The following NDST3 variants were observed in gnomAD, a reference collection of about 807,000 sequenced individuals.
The protein encoded by NDST3 is N-deacetylase and N-sulfotransferase 3, also known as bifunctional heparan sulfate N-deacetylase/N-sulfotransferase 3.
NDST3 carries 58 observed loss-of-function variants against 96.1 expected under a neutral mutation model. The ratio of observed to expected loss-of-function variants is 0.60; its 90% CI spans 0.49 to 0.75. The LOEUF (loss-of-function observed/expected upper bound fraction) is 0.75. Among genes scored for constraint, NDST3 ranks in the 30% least tolerant of loss-of-function variants. The pLI is 0.00. For missense variants in NDST3, 788 were observed against 1,034.2 expected, an observed-to-expected ratio of 0.76 and a Z score of 3.27; for synonymous variants, 333 against 359.7, an observed-to-expected ratio of 0.93 and a Z score of 0.84.
At chr4:118,229,130 G>T (rs922410681) in intron 8 of NDST3, among the ~76,000 whole-genome samples, 8 of 151,662 alleles carry the variant, frequency 5.3e-5, no homozygotes, top group African/African-American at 1.9e-4. Flanking sequence ...GTGAAAACCC[G>T]TCACTACTAA....
At chr4:118,084,298 A>G (rs1728247506) in intron 2 of NDST3, among the ~76,000 whole-genome samples, 1 of 152,172 alleles carries the variant, frequency 6.6e-6, no homozygotes, top group Non-Finnish European at 1.5e-5. Context: ...TCATTTTACT[A>G]TCTATATGTA....
chr4:118,106,275 T>A (rs944265920), intron 3 of NDST3, among the ~76,000 whole-genome samples: 3 of 152,192 alleles, frequency 2.0e-5, no homozygotes, highest in Non-Finnish European at 4.4e-5. Context: ...GGCCGTTCAA[T>A]TTATCATTTT....
chr4:118,144,900 A>G (rs1733830956), intron 6 of NDST3, among the ~76,000 whole-genome samples: 1 of 152,110 alleles, frequency 6.6e-6, no homozygotes, highest in Non-Finnish European at 1.5e-5. Flanking sequence ...TATTGTGCTC[A>G]ATTCTGCTTG....
chr4:118,058,594 AGTGTGTGT>A (rs59628763), intron 2 of NDST3, among the ~76,000 whole-genome samples: 41 of 81,048 alleles, frequency 5.1e-4, no homozygotes, highest in Admixed American at 2.5e-3. Flanking sequence ...AGTCAGGAAA[AGTGTGTGT>A]GTGTGTGTGT....
intron 6 of NDST3, among the ~76,000 whole-genome samples, chr4:118,177,243 A>G: frequency 6.6e-6 from 1 of 152,034 alleles, no homozygotes; most frequent in East Asian, 1.9e-4. Flanking sequence ...CTCCTGGTAA[A>G]TAGGATAGGA....
At chr4:118,182,217 G>A (rs972251941) in intron 6 of NDST3, among the ~76,000 whole-genome samples, 5 of 152,180 alleles carry the variant, frequency 3.3e-5, no homozygotes, top group African/African-American at 1.2e-4. Context: ...TGACAGGCAG[G>A]AAGCCAAGCC....
At chr4:118,232,189 A>G (rs1740343584) in intron 8 of NDST3, among the ~76,000 whole-genome samples, 1 of 152,176 alleles carries the variant, frequency 6.6e-6, no homozygotes, top group South Asian at 2.1e-4. Flanking sequence ...TGAGAACCCA[A>G]GTATTGATTT....
chr4:118,244,441 T>C (rs2126008912), intron 12 of NDST3, among the ~76,000 whole-genome samples: 1 of 152,342 alleles, frequency 6.6e-6, no homozygotes, highest in African/African-American at 2.4e-5. Flanking sequence ...TTATTTTTTC[T>C]TCTTATTTTC....
In NDST3 at chr4:118,040,873, A is replaced by ATTTATATATT. The variant is rs1382241348; in HGVS notation, c.-156+6282_-156+6283insTTATATATTT. Reference sequence around the variant, plus strand: ...TATATATATTTATATATTTTTATATATATATATATTTATATATATATATAT... The same window carrying ATTTATATATT: ...TATATATATTTATATATTTTTATATATTTATATATTTATATATATTTATATATATATATAT... On this transcript the variant is annotated intron_variant, in intron 1 of 13. Transcript: ENST00000296499. 3.2e-3 allele frequency among the ~76,000 whole-genome samples: 172 copies of ATTTATATATT among 53,396 alleles called. 1 individual carries two copies. The highest frequency in any genetic ancestry group is 5.5e-3 in the African/African-American group (164 of 29,898). 35.0% of individuals were successfully genotyped at this position (53,396 alleles called of 152,430 possible). A position where few individuals can be genotyped will look rare whatever the true frequency, so the allele number is the denominator to read the frequency against.
chr4:118,230,071 T>C (rs1229065098), intron 8 of NDST3, among the ~76,000 whole-genome samples: 2 of 152,194 alleles, frequency 1.3e-5, no homozygotes, highest in Non-Finnish European at 2.9e-5. Flanking sequence ...TTTGTTCAAA[T>C]TCACACAGCT....
At chr4:118,092,056 A>ATTTATTTATTTATTTG (rs146828027) in intron 2 of NDST3, among the ~76,000 whole-genome samples, 6,656 of 148,424 alleles carry the variant, frequency 0.045, 249 homozygotes, top group Non-Finnish European at 0.062. Context: ...TTTCTTATTT[A>ATTTATTTATTTATTTG]TTTATTTATT....
intron 4 of NDST3, among the ~76,000 whole-genome samples, chr4:118,135,483 A>G (rs529139051): frequency 1.3e-3 from 197 of 152,308 alleles, no homozygotes; most frequent in Non-Finnish European, 2.5e-3. Flanking sequence ...TTAAAAATCC[A>G]TTAAATGCAT....
intron 6 of NDST3, among the ~76,000 whole-genome samples, chr4:118,170,219 CAAT>C (rs1309679797): frequency 1.8e-4 from 28 of 152,106 alleles, no homozygotes; most frequent in Admixed American, 7.9e-4. Context: ...CCACAGACAA[CAAT>C]GAGGCAGTTG....
intron 2 of NDST3, among the ~76,000 whole-genome samples, chr4:118,102,621 G>A (rs1224621281): frequency 1.3e-5 from 2 of 152,102 alleles, no homozygotes; most frequent in South Asian, 2.1e-4. Flanking sequence ...AGTAATGAAG[G>A]GTTTAGTGAA....
chr4:118,191,613 A>T (rs1456158237), intron 6 of NDST3, among the ~76,000 whole-genome samples: 2 of 152,312 alleles, frequency 1.3e-5, no homozygotes, highest in Admixed American at 6.5e-5. Flanking sequence ...GTAGGTGTAT[A>T]TGGGGTACAT....
chr4:118,203,807 T>A (rs1221044351), intron 6 of NDST3, among the ~76,000 whole-genome samples: 1 of 152,220 alleles, frequency 6.6e-6, no homozygotes, highest in East Asian at 1.9e-4. Context: ...ATCCCATTTT[T>A]ATCTTGAATC....
Position 118,099,363 on chromosome 4 carries a change from C to A in NDST3, c.982-5655C>A, listed in dbSNP as rs185278204. 3.3e-5 allele frequency among the ~76,000 whole-genome samples: 5 copies of A among 152,192 alleles called. No individual in the cohort carries two copies. The East Asian group carries it at 9.7e-4, about 29-fold the overall frequency. Reference sequence around the variant, plus strand: ...AAGAGCGAAGATAATCTCTAAGACTCCTCACTGTACTTAGCAAATTCCTAG... The same window carrying A: ...AAGAGCGAAGATAATCTCTAAGACTACTCACTGTACTTAGCAAATTCCTAG... On this transcript the variant is annotated intron_variant, in intron 2 of 13. Transcript: ENST00000296499.
intron 2 of NDST3, among the ~76,000 whole-genome samples, chr4:118,094,851 C>T (rs532188057): frequency 1.3e-5 from 2 of 151,674 alleles, no homozygotes; most frequent in South Asian, 4.2e-4. Flanking sequence ...ATAGTAATAG[C>T]GATAAATTCT....
intron 6 of NDST3, among the ~76,000 whole-genome samples, chr4:118,187,810 G>A (rs1737062090): frequency 6.6e-6 from 1 of 152,088 alleles, no homozygotes; most frequent in Non-Finnish European, 1.5e-5. Flanking sequence ...AGTTCCAATG[G>A]GCATACATTT....
Sources: gnomAD v4.1 joint callset for allele counts (sites outside exome capture counted in the v4.1 genomes callset) on GRCh38, gnomAD v4.1.1 for gene constraint, MANE v1.5 for transcripts, NCBI Gene and HGNC (gene_info 2026-07-23, HGNC 2026-07-21) for gene names.